The following DOCK8 variants were observed in gnomAD, a reference collection of about 807,000 sequenced individuals.
The protein encoded by DOCK8 is dedicator of cytokinesis 8.
In DOCK8, 141 loss-of-function variants were observed where a neutral mutation model predicts 245.6. The observed-to-expected ratio is 0.57, with a 90% CI of 0.50 to 0.66. The LOEUF is 0.66. Among genes scored for constraint, DOCK8 ranks in the 30% least tolerant of loss-of-function variants. The pLI, the probability that DOCK8 is intolerant of heterozygous loss-of-function variation, is 0.00. For synonymous variants in DOCK8, 1,168 were observed against 970.2 expected (o/e 1.20, Z -3.79); for missense variants, 2,965 against 2,603.4 (o/e 1.14, Z -3.02).
At chr9:338,183 G>A (rs1345534731) in intron 12 of DOCK8, among the ~76,000 whole-genome samples, 2 of 151,866 alleles carry the variant, frequency 1.3e-5, no homozygotes, top group African/African-American at 4.8e-5. Flanking sequence ...AGGTAATATG[G>A]TAATTTTATG....
chr9:428,586 C>T (rs776824999), intron 35 of DOCK8, 90 bp downstream of exon 35: 11 of 1,503,052 alleles, frequency 7.3e-6, no homozygotes, highest in Non-Finnish European at 9.2e-6. Flanking sequence ...GACCAAAAGT[C>T]ACAGAGCATA....
intron 1 of DOCK8, among the ~76,000 whole-genome samples, chr9:239,448 C>T (rs2047332698): frequency 6.6e-6 from 1 of 152,006 alleles, no homozygotes; most frequent in African/African-American, 2.4e-5. Flanking sequence ...GTAATGTATG[C>T]AATATGATCA....
At chr9:261,590 A>C (rs1212566590) in intron 1 of DOCK8, among the ~76,000 whole-genome samples, 2 of 152,200 alleles carry the variant, frequency 1.3e-5, no homozygotes, top group African/African-American at 4.8e-5. Flanking sequence ...GAAGTTAGGC[A>C]TAGTGTTTTC....
intron 1 of DOCK8, among the ~76,000 whole-genome samples, chr9:265,507 T>C (rs781235152): frequency 5.3e-5 from 8 of 152,178 alleles, no homozygotes; most frequent in Non-Finnish European, 1.2e-4. Flanking sequence ...AAGAGTAAAT[T>C]ATATATTTGC....
intron 14 of DOCK8, among the ~76,000 whole-genome samples, chr9:367,746 T>G (rs1313413552): frequency 6.6e-6 from 1 of 152,214 alleles, no homozygotes; most frequent in East Asian, 1.9e-4. Flanking sequence ...TCTAGGCAGA[T>G]TTCCACATTC....
At chr9:400,119 C>G (rs2054745283) in intron 26 of DOCK8, among the ~76,000 whole-genome samples, 1 of 101,254 alleles carries the variant, frequency 9.9e-6, no homozygotes, top group Admixed American at 9.6e-5. Context: ...CCACCACCAC[C>G]AGCATCTTCA....
rs1279961776 is a variant in DOCK8, at chr9:234,519, C to T, written c.53+19490C>T. On this transcript the variant is annotated intron_variant, in intron 1 of 47. Coordinates refer to ENST00000432829, the MANE Select transcript of DOCK8 (RefSeq NM_203447.4). ...TCCAACTTGGTTCCATTCTCCCTGT[C>T]ACTTTCAGGTACACCAATCAGACGT... is the stretch of plus-strand genomic sequence containing the variant. 2.0e-5 allele frequency among the ~76,000 whole-genome samples: 3 copies of T among 152,220 alleles called. No individual in the cohort carries two copies. In the East Asian group the frequency reaches 5.8e-4, roughly 29 times the overall value.
intron 14 of DOCK8, among the ~76,000 whole-genome samples, chr9:355,543 C>G (rs989532788): frequency 2.0e-5 from 3 of 151,468 alleles, no homozygotes; most frequent in African/African-American, 7.3e-5. Flanking sequence ...GCATCACTCT[C>G]TAATAAAAGA....
chr9:372,396 A>T, intron 18 of DOCK8, 110 bp downstream of exon 18: 1 of 869,400 alleles, frequency 1.2e-6, no homozygotes, highest in Non-Finnish European at 1.9e-6. Context: ...TCATGTTCTC[A>T]GAGAGCACAT....
At chr9:335,469 G>C (rs1178110518) in intron 11 of DOCK8, among the ~76,000 whole-genome samples, 3 of 152,172 alleles carry the variant, frequency 2.0e-5, no homozygotes, top group Non-Finnish European at 4.4e-5. Context: ...AGGGCATTTT[G>C]TGATTGCTGC....
At chr9:323,283 G>A (rs1270111504) in intron 7 of DOCK8, among the ~76,000 whole-genome samples, 5 of 133,220 alleles carry the variant, frequency 3.8e-5, no homozygotes, top group Non-Finnish European at 6.2e-5. Flanking sequence ...GAGTGCAGTG[G>A]CATGATCTCG....
At chr9:389,270 T>C (rs2054084306) in intron 23 of DOCK8, among the ~76,000 whole-genome samples, 1 of 152,192 alleles carries the variant, frequency 6.6e-6, no homozygotes, top group South Asian at 2.1e-4. Flanking sequence ...TATGAACACA[T>C]AGCCAGATAT....
At position 439,325 on chromosome 9, in the gene DOCK8, C is replaced by G. The variant is rs1301713327; in HGVS notation, c.5160C>G (p.Gly1720=). 1 of 1,614,182 alleles carries G rather than the reference C, an allele frequency of 6.2e-7. No individual in the cohort carries two copies. The highest frequency in any genetic ancestry group is 1.3e-5 in the African/African-American group (1 of 75,056). Residue 1720 remains glycine (G), a synonymous_variant, in exon 40 of 48, where the codon GGC becomes GGG. Transcript: ENST00000432829. The part of the protein sequence containing the change: ...LSPDEDGVCA[G]QYFTESGLVG... ...CTGACGAGGATGGGGTGTGCGCAGG[C>G]CAGTACTTCACCGAGAGTGGCCTGG...
chr9:402,995 T>C (rs2055185593), intron 26 of DOCK8, among the ~76,000 whole-genome samples: 1 of 152,200 alleles, frequency 6.6e-6, no homozygotes, highest in Non-Finnish European at 1.5e-5. Flanking sequence ...GTTCAAGCGA[T>C]TCTCCTTCCT....
At chr9:297,402 C>T (rs1189720339) in intron 4 of DOCK8, among the ~76,000 whole-genome samples, 3 of 152,136 alleles carry the variant, frequency 2.0e-5, no homozygotes, top group Non-Finnish European at 2.9e-5. Flanking sequence ...CGCGCTTGGT[C>T]TTTGGATTGT....
At chr9:250,233 G>T (rs2047614957) in intron 1 of DOCK8, among the ~76,000 whole-genome samples, 1 of 152,210 alleles carries the variant, frequency 6.6e-6, no homozygotes, top group African/African-American at 2.4e-5. Flanking sequence ...CAAGGCTCAT[G>T]TGCTACTGCT....
At chr9:400,274 C>G (rs866640405) in intron 26 of DOCK8, among the ~76,000 whole-genome samples, 2 of 83,180 alleles carry the variant, frequency 2.4e-5, no homozygotes, top group South Asian at 4.2e-4. Context: ...TCCACCATCA[C>G]CACCACTTCC....
intron 26 of DOCK8, among the ~76,000 whole-genome samples, chr9:400,983 C>G (rs1342713859): frequency 1.6e-5 from 2 of 124,336 alleles, no homozygotes; most frequent in Non-Finnish European, 3.8e-5. Context: ...ACCATCACCA[C>G]CTCCTCCACC....
Position 391,902 on chromosome 9 carries a change from G to A in DOCK8, c.2970+1336G>A, listed in dbSNP as rs1289833116. On this transcript the variant is annotated intron_variant, in intron 24 of 47. Coordinates refer to ENST00000432829, the MANE Select transcript of DOCK8 (RefSeq NM_203447.4). ...ACTTGTAATCCTAGCACTTTGGGAG[G>A]CTGAGGCAGGCAGGTCACTTGAAGT... 2.0e-5 allele frequency among the ~76,000 whole-genome samples: 3 copies of A among 150,412 alleles called. No homozygotes were observed. The East Asian group carries it at 5.9e-4, about 29-fold the overall frequency.
Sources: allele counts gnomAD v4.1 joint callset (sites outside exome capture counted in the v4.1 genomes callset), GRCh38; gene constraint gnomAD v4.1.1; transcripts MANE v1.5; gene names NCBI Gene and HGNC (gene_info 2026-07-23, HGNC 2026-07-21).